ZSCAN5A: variants seen among roughly 807,000 people sequenced by gnomAD.
The protein encoded by ZSCAN5A is zinc finger and SCAN domain containing 5A.
Under a neutral mutation model 23.7 loss-of-function variants are expected in ZSCAN5A, and 12 were observed. The ratio of observed to expected loss-of-function variants is 0.51; its 90% CI spans 0.32 to 0.82. The LOEUF (loss-of-function observed/expected upper bound fraction) is 0.82. Ranked by LOEUF, ZSCAN5A falls within the 40% of genes least tolerant of loss-of-function variation. ZSCAN5A has a pLI of 0.03. For missense variants in ZSCAN5A, 597 were observed against 617.9 expected (o/e 0.97, Z 0.36); for synonymous variants, 257 against 239.9 (o/e 1.07, Z -0.66).
intron 2 of ZSCAN5A, among the ~76,000 whole-genome samples, chr19:56,290,011 C>A (rs951263560): frequency 1.5e-4 from 23 of 152,204 alleles, no homozygotes; most frequent in African/African-American, 5.1e-4. Flanking sequence ...TATTATATAA[C>A]TGAATTCTCC....
chr19:56,285,761 G>A (rs1353812916), intron 2 of ZSCAN5A, among the ~76,000 whole-genome samples: 2 of 152,166 alleles, frequency 1.3e-5, no homozygotes, highest in East Asian at 1.9e-4. Flanking sequence ...TTACAGGCAT[G>A]AGCCATCACG....
At chr19:56,298,101 G>A (rs987544141) in intron 2 of ZSCAN5A, 1 of 149,588 alleles carries the variant, frequency 6.7e-6, no homozygotes, top group Non-Finnish European at 1.5e-5. Flanking sequence ...CAACACTAAT[G>A]GTTGGTTCTT....
intron 2 of ZSCAN5A, among the ~76,000 whole-genome samples, chr19:56,255,514 A>G (rs1370484100): frequency 1.3e-5 from 2 of 151,574 alleles, no homozygotes; most frequent in African/African-American, 4.9e-5. Context: ...GCAACTCTCC[A>G]CCTGCCATCT....
chr19:56,260,611 G>C (rs2146852686), intron 2 of ZSCAN5A, among the ~76,000 whole-genome samples: 1 of 151,906 alleles, frequency 6.6e-6, no homozygotes, highest in East Asian at 1.9e-4. Flanking sequence ...AATATCAGTA[G>C]GACAAAAATC....
chr19:56,240,079 T>G (rs1485577718), intron 2 of ZSCAN5A, among the ~76,000 whole-genome samples: 1 of 151,948 alleles, frequency 6.6e-6, no homozygotes, highest in Non-Finnish European at 1.5e-5. Flanking sequence ...GGAGAATCGC[T>G]TGAACCCAGG....
At chr19:56,242,436 T>C (rs2035501561) in intron 2 of ZSCAN5A, among the ~76,000 whole-genome samples, 1 of 152,184 alleles carries the variant, frequency 6.6e-6, no homozygotes, top group African/African-American at 2.4e-5. Context: ...GAACTGCTTG[T>C]GAGATGTGTG....
In ZSCAN5A at chr19:56,308,567, A is replaced by G. The variant is rs535245502; in HGVS notation, c.-128+4716T>C. The stretch of plus-strand genomic sequence containing the variant: ...TCGAACTCCTGACCTCAGGTGACCC[A>G]CCCACCTCGGCCTCCCAAAGTGCTG... On this transcript the variant is annotated intron_variant, in intron 2 of 5. Coordinates refer to ENST00000683990, the MANE Select transcript of ZSCAN5A (RefSeq NM_001322064.3). Among the ~76,000 whole-genome samples the G allele has an allele frequency of 1.9e-3, 284 of 146,554 alleles. 2 individuals carry two copies. The highest frequency in any genetic ancestry group is 3.5e-3 in the Non-Finnish European group (232 of 66,488).
chr19:56,236,914 T>C (rs1158850740), intron 2 of ZSCAN5A, among the ~76,000 whole-genome samples: 3 of 149,916 alleles, frequency 2.0e-5, no homozygotes. Flanking sequence ...CAGCCTCTGA[T>C]GGATGGTGGG....
intron 2 of ZSCAN5A, among the ~76,000 whole-genome samples, chr19:56,326,293 TCA>T (rs2041433211): frequency 6.8e-6 from 1 of 147,060 alleles, no homozygotes; most frequent in African/African-American, 2.6e-5. Flanking sequence ...TATCCACATC[TCA>T]CAGTTACCAT....
rs570060349 is a variant in ZSCAN5A, at chr19:56,278,208, G to C, written c.-128+35075C>G. 3.3e-5 allele frequency among the ~76,000 whole-genome samples: 5 copies of C among 151,972 alleles called. No homozygotes were observed. The South Asian group carries it at 1.0e-3, about 32-fold the overall frequency. On this transcript the variant is annotated intron_variant, in intron 2 of 5. Coordinates refer to ENST00000683990, the MANE Select transcript of ZSCAN5A (RefSeq NM_001322064.3). ...ACGGTCTCGGCTCGCCATGACATCT[G>C]CCTCCTGGGTTCAAGCAATTATCTT...
At chr19:56,239,963 A>T (rs2035287219) in intron 2 of ZSCAN5A, among the ~76,000 whole-genome samples, 1 of 152,140 alleles carries the variant, frequency 6.6e-6, no homozygotes, top group Non-Finnish European at 1.5e-5. Context: ...GGAGTTCAAG[A>T]CCAGCCTGGC....
chr19:56,221,571 G>A lies in ZSCAN5A; in HGVS notation c.*4C>T. On this transcript the variant is annotated 3_prime_UTR_variant, in exon 6 of 6. Coordinates refer to ENST00000683990, the MANE Select transcript of ZSCAN5A (RefSeq NM_001322064.3). The stretch of plus-strand genomic sequence containing the variant: ...GTGCAGAAGGCATAGACCGGATTAT[G>A]CAATCACTGAGAAGTAGCTTCTGGA... The A allele has an allele frequency of 6.3e-7, 1 of 1,586,244 alleles. No homozygotes were observed.
intron 2 of ZSCAN5A, among the ~76,000 whole-genome samples, chr19:56,333,334 C>G (rs1389315791): frequency 6.6e-6 from 1 of 151,730 alleles, no homozygotes; most frequent in Non-Finnish European, 1.5e-5. Context: ...TCCCATCTTT[C>G]TCAAAGACTT....
rs762851688 is a variant in ZSCAN5A at position 56,292,456 on chromosome 19, T to C, written c.-128+20827A>G. Among the ~76,000 whole-genome samples the C allele has an allele frequency of 2.0e-5, 3 of 151,494 alleles. No individual in the cohort carries two copies. The South Asian group carries it at 6.2e-4, about 31-fold the overall frequency. ...TATTTTTGGTTTTTTTGTCTGTTTT[T>C]ACTTTTTTTTTTTTTACTTTTTTGT... is the stretch of plus-strand genomic sequence containing the variant. On this transcript the variant is annotated intron_variant, in intron 2 of 5. Transcript: ENST00000683990.
intron 2 of ZSCAN5A, among the ~76,000 whole-genome samples, chr19:56,340,224 G>A (rs930168572): frequency 6.6e-6 from 1 of 152,112 alleles, no homozygotes; most frequent in African/African-American, 2.4e-5. Context: ...GTAAACATGA[G>A]TTGAATGTCA....
At chr19:56,235,961 G>A (rs1413035349) in intron 2 of ZSCAN5A, among the ~76,000 whole-genome samples, 4 of 38,650 alleles carry the variant, frequency 1.0e-4, no homozygotes, top group East Asian at 1.7e-3. Context: ...CTCCACTCCA[G>A]CCTCTGATGG....
intron 2 of ZSCAN5A, among the ~76,000 whole-genome samples, chr19:56,303,719 A>C (rs937056150): frequency 6.6e-6 from 1 of 152,148 alleles, no homozygotes; most frequent in Non-Finnish European, 1.5e-5. Flanking sequence ...GGAGGACTGC[A>C]GAGAAACAAG....
At chr19:56,331,578 CTTTTTTTTTTTTTTTT>C (rs68085541) in intron 2 of ZSCAN5A, among the ~76,000 whole-genome samples, 1 of 48,964 alleles carries the variant, frequency 2.0e-5, no homozygotes, top group African/African-American at 8.4e-5. Context: ...GAATTGCATT[CTTTTTTTTTTTTTTTT>C]TTTTTTTTTT....
At chr19:56,246,059 T>C (rs767630264) in intron 2 of ZSCAN5A, among the ~76,000 whole-genome samples, 17 of 152,054 alleles carry the variant, frequency 1.1e-4, no homozygotes, top group Non-Finnish European at 2.2e-4. Context: ...GGGAGAAATA[T>C]GCTCAGAGAA....
Sources: gnomAD v4.1 joint callset for allele counts (sites outside exome capture counted in the v4.1 genomes callset) on GRCh38, gnomAD v4.1.1 for gene constraint, MANE v1.5 for transcripts, NCBI Gene and HGNC (gene_info 2026-07-23, HGNC 2026-07-21) for gene names.